Variants in STAR observed in about 807,000 individuals in gnomAD.
The protein encoded by STAR is steroidogenic acute regulatory protein, mitochondrial.
STAR carries 32 observed loss-of-function variants against 32.3 expected under a neutral mutation model. The observed-to-expected ratio is 0.99, with a 90% CI of 0.75 to 1.33. The LOEUF (loss-of-function observed/expected upper bound fraction) is 1.33, where lower values mean the gene tolerates loss of function less well. STAR is among the 40% of genes most tolerant of loss of function. The pLI is 0.00. For missense variants in STAR, 375 were observed against 379.0 expected (o/e 0.99, Z 0.09); for synonymous variants, 134 against 140.5 (o/e 0.95, Z 0.33).
chr8:38,145,370 G>A lies in STAR; in HGVS notation c.651-55C>T, dbSNP rs939763758. ...ACAGTTGCGAGTTCTCTCTTGCACT[G>A]GCTGCTTACACCAGTACCATAGATA... On this transcript the variant is annotated intron_variant, in intron 5 of 6. Transcript: ENST00000276449. 5.0e-6 allele frequency: 8 copies of A among 1,611,730 alleles called. No individual in the cohort carries two copies. The African/African-American group carries it at 8.0e-5, about 16-fold the overall frequency.
chr8:38,150,643 C>T, intron 1 of STAR, 112 bp downstream of exon 1: 1 of 1,542,392 alleles, frequency 6.5e-7, no homozygotes, highest in East Asian at 2.3e-5. Flanking sequence ...AGGGAAGAAA[C>T]TTGCCCAGGT....
intron 5 of STAR, chr8:38,145,758 T>C (rs1409828605): frequency 7.6e-6 from 5 of 661,158 alleles, no homozygotes; most frequent in Non-Finnish European, 1.0e-5. Flanking sequence ...TCTGGGAGGG[T>C]CATGACAAGC....
chr8:38,146,095 T>C lies in STAR; in HGVS notation c.518A>G (p.Glu173Gly). ...GGGCCCCACCAGGTTTCCTGCTGCCTCGGCAGCCAGCTCGTGAGTAATGAA... is the reference window on the plus strand; with the variant it reads ...GGGCCCCACCAGGTTTCCTGCTGCCCCGGCAGCCAGCTCGTGAGTAATGAA... ...DTFITHELAA[E>G]AAGNLVGPRD... Residue 173 changes from glutamate to glycine, a missense_variant, in exon 5 of 7, where the codon GAG becomes GGG. Physicochemically the swap from Glu to Gly is moderately conservative, Grantham distance 98. Transcript: ENST00000276449. The C allele has an allele frequency of 6.2e-7, 1 of 1,614,182 alleles. No individual in the cohort carries two copies. The highest frequency in any genetic ancestry group is 2.2e-5 in the East Asian group (1 of 44,878).
At chr8:38,145,875 G>T in intron 5 of STAR, 88 bp downstream of exon 5, 1 of 1,554,108 alleles carries the variant, frequency 6.4e-7, no homozygotes. Flanking sequence ...TTGGTTTCTT[G>T]GAGCTGGGGA....
At chr8:38,150,436 T>A (rs1359063007) in intron 1 of STAR, among the ~76,000 whole-genome samples, 136 of 83,334 alleles carry the variant, frequency 1.6e-3, no homozygotes, top group African/African-American at 1.8e-3. Flanking sequence ...AAAGAACGAA[T>A]GAAGGAAAAG....
intron 6 of STAR, 48 bp downstream of exon 6, chr8:38,145,174 T>C: frequency 1.2e-6 from 2 of 1,613,438 alleles, no homozygotes; most frequent in Non-Finnish European, 1.7e-6. Flanking sequence ...AAGAGCCTGT[T>C]TTTCTCACTA....
chr8:38,148,641 C>G lies in STAR; in HGVS notation c.178G>C (p.Gly60Arg), dbSNP rs564329147. The change falls in exon 2 of 7, where the codon GGT (glycine) becomes CGT (arginine). Residue 60 changes from glycine (G) to arginine (R), a missense_variant and splice_region_variant. Physicochemically the swap from Gly to Arg is moderately radical, Grantham distance 125. Transcript: ENST00000276449. ...GGAGCCCAGAAGCCTCAGCACTTACCGAGTAGAGAGCTCCGCCGCCGAACC... is the reference window on the plus strand; with the variant it reads ...GGAGCCCAGAAGCCTCAGCACTTACGGAGTAGAGAGCTCCGCCGCCGAACC... ...NQVRRRSSLL[G>R]SRLEETLYSD... 13 of 1,613,954 alleles carry G rather than the reference C, an allele frequency of 8.1e-6. No individual in the cohort carries two copies. In the East Asian group the frequency reaches 1.3e-4, roughly 17 times the overall value.
chr8:38,146,158 A>G lies in STAR; in HGVS notation c.466-11T>C, dbSNP rs1053284504. 1 of 1,613,816 alleles carries G rather than the reference A, an allele frequency of 6.2e-7. No homozygotes were observed. The highest frequency in any genetic ancestry group is 1.7e-5 in the Admixed American group (1 of 59,964). On this transcript the variant is annotated splice_polypyrimidine_tract_variant and intron_variant, in intron 4 of 6. Transcript: ENST00000276449. ...GATCTTCTGCAGGACCTACCAGGCC[A>G]TGGGGAACCAGAATCACGACTCAGC...
Position 38,150,858 on chromosome 8 carries a change from C to G in STAR, c.-40G>C, listed in dbSNP as rs1802657247. 1 of 1,599,840 alleles carries G rather than the reference C, an allele frequency of 6.3e-7. No individual in the cohort carries two copies. Among genetic ancestry groups the G allele is most frequent in the African/African-American group, 1.3e-5 (1 of 74,844 alleles). The stretch of plus-strand genomic sequence containing the variant: ...TGTGGCAGTGGTGGGGTCGCTGCCG[C>G]TGCTGCTGCCGCCGCTGCTGCTGCC... On this transcript the variant is annotated 5_prime_UTR_variant, in exon 1 of 7. Coordinates refer to ENST00000276449, the MANE Select transcript of STAR (RefSeq NM_000349.3).
chr8:38,146,563 G>A, intron 3 of STAR, 116 bp from the exon 4 acceptor site: 1 of 1,195,396 alleles, frequency 8.4e-7, no homozygotes, highest in Non-Finnish European at 1.2e-6. Context: ...GGATCACAAG[G>A]TCAGGAGTTC....
In STAR at chr8:38,144,140, C is replaced by T; in HGVS notation, c.*133G>A. The stretch of plus-strand genomic sequence containing the variant: ...CACCAATCTGAATCCTAGTGTCATA[C>T]TCTAAACACGAACCCCACCCATCCC... On this transcript the variant is annotated 3_prime_UTR_variant, in exon 7 of 7. Transcript: ENST00000276449. The T allele has an allele frequency of 1.1e-6, 1 of 925,272 alleles. No homozygotes were observed. Among genetic ancestry groups the T allele is most frequent in the Admixed American group, 2.0e-5 (1 of 49,758 alleles). The allele number at this position is 925,272 out of a possible 1,614,324, so 57.3% of individuals were successfully genotyped here.
At position 38,150,827 on chromosome 8, in the gene STAR, G is replaced by A. The variant is rs1355532069; in HGVS notation, c.-9C>T. ...AATGTCGCTAGCAGCATTGTTTCCT[G>A]GCAAATGTGGCAGTGGTGGGGTCGC... On this transcript the variant is annotated 5_prime_UTR_variant, in exon 1 of 7. Transcript: ENST00000276449. 12 of 1,604,506 alleles carry A rather than the reference G, an allele frequency of 7.5e-6. No individual in the cohort carries two copies. Among genetic ancestry groups the A allele is most frequent in the Non-Finnish European group, 1.0e-5 (12 of 1,179,952 alleles).
chr8:38,150,607 TC>T lies in STAR; in HGVS notation c.64+147del. On this transcript the variant is annotated intron_variant, in intron 1 of 6. Coordinates refer to ENST00000276449, the MANE Select transcript of STAR (RefSeq NM_000349.3). ...ATATCTTAGTAACCAGCCCACTTCT[TC>T]CGAGGGGAAAACTGAGATTCAAGAA... 4.7e-6 allele frequency: 6 copies of T among 1,280,500 alleles called. 1 individual carries two copies. The highest frequency in any genetic ancestry group is 1.9e-4 in the Middle Eastern group (1 of 5,392). The allele number at this position is 1,280,500 out of a possible 1,614,324, so 79.3% of individuals were successfully genotyped here. A position where few individuals can be genotyped will look rare whatever the true frequency, so the allele number is the denominator to read the frequency against.
chr8:38,148,339 G>A lies in STAR; in HGVS notation c.179-12C>T, dbSNP rs567915700. ...TTCCAGCCGAGAACCTGGATACACA[G>A]CCGAGGAGAGACAGAGCTTCCTTCT... On this transcript the variant is annotated splice_polypyrimidine_tract_variant and intron_variant, in intron 2 of 6. Transcript: ENST00000276449. The A allele has an allele frequency of 3.0e-5, 48 of 1,613,874 alleles. No homozygotes were observed. The South Asian group carries it at 4.9e-4, about 17-fold the overall frequency.
At chr8:38,144,576 A>C (rs1384312491) in intron 6 of STAR, 190 bp from the exon 7 acceptor site, 3 of 1,434,336 alleles carry the variant, frequency 2.1e-6, no homozygotes, top group East Asian at 5.5e-5. Flanking sequence ...CAGAAGCACA[A>C]GACTGGCCAA....
In STAR at chr8:38,150,869, G is replaced by C; in HGVS notation, c.-51C>G. On this transcript the variant is annotated 5_prime_UTR_variant, in exon 1 of 7. Transcript: ENST00000276449. ...TGGGGTCGCTGCCGCTGCTGCTGCC[G>C]CCGCTGCTGCTGCCTCTTCTCTCAA... The C allele has an allele frequency of 6.2e-7, 1 of 1,600,690 alleles. No homozygotes were observed. The highest frequency in any genetic ancestry group is 1.7e-5 in the Admixed American group (1 of 59,992).
In STAR at chr8:38,148,200, C is replaced by G. The variant is rs1216168621; in HGVS notation, c.306G>C (p.Gln102His). 3 of 1,614,014 alleles carry G rather than the reference C, an allele frequency of 1.9e-6. No individual in the cohort carries two copies. The highest frequency in any genetic ancestry group is 1.7e-5 in the Admixed American group (1 of 60,012). Residue 102 changes from glutamine (Q) to histidine (H), a missense_variant and splice_region_variant, in exon 3 of 7, where the codon CAG becomes CAC. Coordinates refer to ENST00000276449, the MANE Select transcript of STAR (RefSeq NM_000349.3). The part of the protein sequence containing the change: ...NQEGWKKESQ[Q>H]DNGDKVMSKV... Reference sequence around the variant, plus strand: ...CCACAGGCTTCTCCCCGACACTTACCTGCTGACTCTCCTTCTTCCAGCCCT... The same window carrying G: ...CCACAGGCTTCTCCCCGACACTTACGTGCTGACTCTCCTTCTTCCAGCCCT...
chr8:38,146,778 A>AC (rs1374098367), intron 3 of STAR, among the ~76,000 whole-genome samples: 1 of 29,800 alleles, frequency 3.4e-5, no homozygotes, highest in Non-Finnish European at 1.8e-4. Flanking sequence ...AAAAAAAAAA[A>AC]TTTTATATAT....
rs879184594 is a variant in STAR at position 38,148,693 on chromosome 8, G to C, written c.126C>G (p.Gly42=). The part of the protein sequence containing the change: ...SQELNRRALG[G]PTPSTWINQV... ...GGTTAATCCACGTGCTAGGGGTGGG[G>C]CCCCCCAGGGCCCTCCGGTTCAGCT... Residue 42 remains glycine, a synonymous_variant, in exon 2 of 7, where the codon GGC becomes GGG. Coordinates refer to ENST00000276449, the MANE Select transcript of STAR (RefSeq NM_000349.3). The C allele has an allele frequency of 6.2e-7, 1 of 1,614,068 alleles. No individual in the cohort carries two copies. The highest frequency in any genetic ancestry group is 1.7e-5 in the Admixed American group (1 of 60,026).
Sources: gnomAD v4.1 joint callset for allele counts (sites outside exome capture counted in the v4.1 genomes callset) on GRCh38, gnomAD v4.1.1 for gene constraint, MANE v1.5 for transcripts, NCBI Gene and HGNC (gene_info 2026-07-23, HGNC 2026-07-21) for gene names.